The following NKAIN3 variants were observed in gnomAD, a reference collection of about 807,000 sequenced individuals.
NKAIN3 encodes the protein sodium/potassium-transporting ATPase subunit beta-1-interacting protein 3.
In NKAIN3, 25 loss-of-function variants were observed where a neutral mutation model predicts 30.2. That is an observed-to-expected ratio of 0.83 (90% CI 0.60 to 1.16). NKAIN3 has a LOEUF of 1.16. Ranked by LOEUF, NKAIN3 falls within the 50% of genes most tolerant of loss-of-function variation. The pLI is 0.00. For missense variants in NKAIN3, 225 were observed against 254.1 expected (o/e 0.89, Z 0.78); for synonymous variants, 91 against 89.6 (o/e 1.02, Z -0.09).
intron 1 of NKAIN3, among the ~76,000 whole-genome samples, chr8:62,529,683 G>A (rs1202674656): frequency 1.3e-5 from 2 of 152,048 alleles, no homozygotes; most frequent in African/African-American, 4.8e-5. Flanking sequence ...TCCAGAACAT[G>A]AGAAATAAAT....
chr8:62,325,235 G>T (rs1371492777), intron 1 of NKAIN3, among the ~76,000 whole-genome samples: 4 of 152,018 alleles, frequency 2.6e-5, no homozygotes, highest in Non-Finnish European at 5.9e-5. Flanking sequence ...CACAATATTT[G>T]GTTTACCATT....
chr8:62,589,514 A>G (rs1810584625), intron 2 of NKAIN3, among the ~76,000 whole-genome samples, 200 bp from the exon 3 acceptor site: 1 of 151,748 alleles, frequency 6.6e-6, no homozygotes, highest in African/African-American at 2.4e-5. Flanking sequence ...GTTGGTGTCT[A>G]CTGAAAGCAG....
intron 1 of NKAIN3, among the ~76,000 whole-genome samples, chr8:62,339,071 TAAG>T (rs1217420463): frequency 1.3e-5 from 2 of 151,908 alleles, no homozygotes; most frequent in East Asian, 3.9e-4. Flanking sequence ...ATCTAAAGAA[TAAG>T]AAGGAGATGC....
rs201984636 is a variant in NKAIN3 at position 62,803,346 on chromosome 8, T to C, written c.471+56217T>C. ...GCACCACACCACACCTATTCCAAAATTGACCACATAGTTGGAAGTAAAGCT... is the reference window on the plus strand; with the variant it reads ...GCACCACACCACACCTATTCCAAAACTGACCACATAGTTGGAAGTAAAGCT... On this transcript the variant is annotated intron_variant, in intron 4 of 6. Transcript: ENST00000623646. Among the ~76,000 whole-genome samples the C allele has an allele frequency of 1.5e-4, 23 of 152,140 alleles. No homozygotes were observed. The East Asian group carries it at 2.3e-3, about 15-fold the overall frequency.
chr8:62,413,318 C>A (rs1804323224), intron 1 of NKAIN3, among the ~76,000 whole-genome samples: 1 of 152,144 alleles, frequency 6.6e-6, no homozygotes, highest in South Asian at 2.1e-4. Flanking sequence ...TCAGTAAGCA[C>A]ACATGTCTGG....
intron 1 of NKAIN3, among the ~76,000 whole-genome samples, chr8:62,401,013 T>TTCTCCCTCTCTCTC (rs1803847547): frequency 7.0e-6 from 1 of 143,744 alleles, no homozygotes; most frequent in Non-Finnish European, 1.5e-5. Context: ...CTTTCTACCT[T>TTCTCCCTCTCTCTC]TCTCTCACTC....
chr8:62,952,864 T>C (rs192294969), intron 5 of NKAIN3, among the ~76,000 whole-genome samples: 57 of 152,268 alleles, frequency 3.7e-4, no homozygotes, highest in Non-Finnish European at 6.9e-4. Context: ...AGAAAAGACA[T>C]TTTAGAATGG....
chr8:62,340,134 G>A (rs1353183847), intron 1 of NKAIN3, among the ~76,000 whole-genome samples: 1 of 152,038 alleles, frequency 6.6e-6, no homozygotes, highest in East Asian at 1.9e-4. Flanking sequence ...GTATTTTTAT[G>A]TTTTTTAATG....
At chr8:62,849,128 T>A (rs148504127) in intron 4 of NKAIN3, among the ~76,000 whole-genome samples, 1 of 152,224 alleles carries the variant, frequency 6.6e-6, no homozygotes, top group Non-Finnish European at 1.5e-5. Flanking sequence ...TTTTCCTTTT[T>A]TGTCATATCT....
At chr8:62,987,667 C>G (rs1375848828), downstream of NKAIN3, among the ~76,000 whole-genome samples, 3 of 151,110 alleles carry the variant, frequency 2.0e-5, no homozygotes, top group East Asian at 1.9e-4. Context: ...CCCACTGGGT[C>G]CCTCCTATAA....
intron 1 of NKAIN3, among the ~76,000 whole-genome samples, chr8:62,398,874 G>A (rs917312429): frequency 1.4e-4 from 22 of 152,134 alleles, no homozygotes; most frequent in African/African-American, 4.8e-4. Context: ...GGCAGATCAC[G>A]AGGTCAGGAG....
At chr8:62,571,615 C>T (rs1160291109) in intron 1 of NKAIN3, among the ~76,000 whole-genome samples, 1 of 152,150 alleles carries the variant, frequency 6.6e-6, no homozygotes, top group Non-Finnish European at 1.5e-5. Context: ...CAGAGGATCT[C>T]CATGAGGGCC....
intron 4 of NKAIN3, among the ~76,000 whole-genome samples, chr8:62,906,106 A>G (rs1821765921): frequency 6.6e-6 from 1 of 152,192 alleles, no homozygotes; most frequent in Non-Finnish European, 1.5e-5. Context: ...AGCATCCATC[A>G]AGGCCCAAGA....
At chr8:62,392,194 G>A (rs1189262853) in intron 1 of NKAIN3, among the ~76,000 whole-genome samples, 1 of 151,928 alleles carries the variant, frequency 6.6e-6, no homozygotes, top group African/African-American at 2.4e-5. Flanking sequence ...GTTATTACTG[G>A]TCATTTTACT....
intron 1 of NKAIN3, among the ~76,000 whole-genome samples, chr8:62,436,133 C>G (rs1805166799): frequency 6.6e-6 from 1 of 152,158 alleles, no homozygotes; most frequent in Admixed American, 6.6e-5. Flanking sequence ...AGTTGTCAGA[C>G]TGCTCTCAAA....
intron 1 of NKAIN3, among the ~76,000 whole-genome samples, chr8:62,339,273 G>A (rs1230034743): frequency 1.3e-5 from 2 of 151,924 alleles, no homozygotes; most frequent in East Asian, 1.9e-4. Flanking sequence ...ATCTCACAGG[G>A]CCTACTAGGC....
chr8:62,582,510 A>G (rs1810337274), intron 2 of NKAIN3, among the ~76,000 whole-genome samples: 2 of 152,064 alleles, frequency 1.3e-5, no homozygotes, highest in African/African-American at 4.8e-5. Context: ...CCCTGCAGGG[A>G]GCTGAGAGCT....
At chr8:62,539,150 T>C (rs1235971004) in intron 1 of NKAIN3, among the ~76,000 whole-genome samples, 1 of 152,222 alleles carries the variant, frequency 6.6e-6, no homozygotes, top group Non-Finnish European at 1.5e-5. Flanking sequence ...CATTCTCACA[T>C]TGGTGCTGGA....
intron 1 of NKAIN3, among the ~76,000 whole-genome samples, chr8:62,275,459 TTC>T (rs1194014930): frequency 3.9e-5 from 6 of 152,220 alleles, no homozygotes; most frequent in African/African-American, 1.2e-4. Context: ...ATTCTGAATT[TTC>T]TCTGTTATTT....
Sources: allele counts gnomAD v4.1 joint callset (sites outside exome capture counted in the v4.1 genomes callset), GRCh38; gene constraint gnomAD v4.1.1; transcripts MANE v1.5; gene names NCBI Gene and HGNC (gene_info 2026-07-23, HGNC 2026-07-21).